The following AGBL1 variants were observed in gnomAD, a reference collection of about 807,000 sequenced individuals.
AGBL1 encodes AGBL carboxypeptidase 1.
AGBL1 carries 130 observed loss-of-function variants against 118.9 expected under a neutral mutation model. The ratio of observed to expected loss-of-function variants is 1.09; its 90% CI spans 0.95 to 1.26. The LOEUF is 1.26. AGBL1 is among the 50% of genes most tolerant of loss of function. AGBL1 has a pLI of 0.00. For missense variants in AGBL1, 1,584 were observed against 1,298.1 expected, an observed-to-expected ratio of 1.22 and a Z score of -3.38; for synonymous variants, 555 against 478.9, an observed-to-expected ratio of 1.16 and a Z score of -2.08.
At chr15:86,386,973 T>C (rs1006609060) in intron 17 of AGBL1, among the ~76,000 whole-genome samples, 1 of 152,210 alleles carries the variant, frequency 6.6e-6, no homozygotes, top group African/African-American at 2.4e-5. Flanking sequence ...TGACAGGAGC[T>C]AATTACAGTT....
At chr15:86,171,358 C>A (rs1453033230) in intron 5 of AGBL1, among the ~76,000 whole-genome samples, 1 of 151,862 alleles carries the variant, frequency 6.6e-6, no homozygotes, top group African/African-American at 2.4e-5. Context: ...ACAACAAGAG[C>A]ACAAAGATCA....
At chr15:86,198,240 A>G (rs2077847124) in intron 5 of AGBL1, among the ~76,000 whole-genome samples, 1 of 152,116 alleles carries the variant, frequency 6.6e-6, no homozygotes, top group African/African-American at 2.4e-5. Flanking sequence ...CTGTCCTAAT[A>G]TTGTATTTTC....
At chr15:86,141,873 G>T (rs1401078643) in intron 1 of AGBL1, 131 bp from the exon 2 acceptor site, 3 of 891,742 alleles carry the variant, frequency 3.4e-6, no homozygotes, top group Non-Finnish European at 5.1e-6. Context: ...GAATCCCCTT[G>T]CCTGTCCTTT....
intron 5 of AGBL1, among the ~76,000 whole-genome samples, chr15:86,193,122 T>C (rs2077749008): frequency 6.6e-6 from 1 of 152,158 alleles, no homozygotes; most frequent in African/African-American, 2.4e-5. Context: ...CTGTGATGGG[T>C]GTCAAAAGAA....
intron 17 of AGBL1, among the ~76,000 whole-genome samples, chr15:86,328,820 G>C (rs981649368): frequency 1.3e-5 from 2 of 152,244 alleles, no homozygotes; most frequent in Non-Finnish European, 2.9e-5. Flanking sequence ...ATGAGGGAAA[G>C]ACACTGGGAA....
At chr15:86,285,871 C>T (rs1388392436) in intron 16 of AGBL1, among the ~76,000 whole-genome samples, 1 of 152,172 alleles carries the variant, frequency 6.6e-6, no homozygotes, top group Admixed American at 6.5e-5. Flanking sequence ...GGACAGTGCT[C>T]ATGTGCCCTA....
chr15:86,556,876 A>G (rs1351072832), intron 21 of AGBL1, among the ~76,000 whole-genome samples: 1 of 152,146 alleles, frequency 6.6e-6, no homozygotes. Context: ...TCTCTGGTTA[A>G]TGCAGCTTTA....
intron 17 of AGBL1, among the ~76,000 whole-genome samples, chr15:86,319,819 C>T (rs62015578): frequency 0.032 from 3,900 of 121,672 alleles, 67 homozygotes; most frequent in Middle Eastern, 0.11. Context: ...TGCAATGGCA[C>T]GATCTTGGTT....
chr15:86,778,858 C>T (rs548558152), intron 22 of AGBL1, among the ~76,000 whole-genome samples: 26 of 152,152 alleles, frequency 1.7e-4, no homozygotes, highest in South Asian at 1.7e-3. Context: ...TATTGATTGG[C>T]GAAGTGATAA....
At chr15:86,239,996 A>G (rs1164686874) in intron 6 of AGBL1, among the ~76,000 whole-genome samples, 3 of 152,184 alleles carry the variant, frequency 2.0e-5, no homozygotes, top group Admixed American at 6.5e-5. Context: ...TCAATTAAAA[A>G]TGAAAATAAA....
chr15:86,674,179 G>C lies in AGBL1; in HGVS notation c.2995-94G>C, dbSNP rs1319749816. On this transcript the variant is annotated intron_variant, in intron 21 of 22. Transcript: ENST00000614907. ...AATTAATTCTCACTGTCTGAAAAAT[G>C]CCTGTGTGTAGAAGTCCTTCTTCCT... 3 of 1,160,204 alleles carry C rather than the reference G, an allele frequency of 2.6e-6. No individual in the cohort carries two copies. The African/African-American group carries it at 4.6e-5, about 18-fold the overall frequency. The allele number at this position is 1,160,204 out of a possible 1,614,324, so 71.9% of individuals were successfully genotyped here.
At chr15:86,371,794 A>G (rs1018436640) in intron 17 of AGBL1, among the ~76,000 whole-genome samples, 3 of 152,190 alleles carry the variant, frequency 2.0e-5, no homozygotes, top group African/African-American at 7.2e-5. Context: ...AGGCTAAGGC[A>G]ACAACGCTGC....
chr15:86,328,638 G>A (rs2080223533), intron 17 of AGBL1, among the ~76,000 whole-genome samples: 2 of 152,132 alleles, frequency 1.3e-5, no homozygotes, highest in South Asian at 4.1e-4. Context: ...AACAGCCCCT[G>A]TGACAGTGTC....
intron 7 of AGBL1, among the ~76,000 whole-genome samples, chr15:86,249,732 T>C (rs1292787219): frequency 6.6e-6 from 1 of 152,144 alleles, no homozygotes. Flanking sequence ...ATTTCTCTGT[T>C]CTGTGCTAAA....
Position 86,674,281 on chromosome 15 carries a change from G to C in AGBL1, c.3003G>C (p.Gln1001His). 6.2e-7 allele frequency: 1 copy of C among 1,610,552 alleles called. No homozygotes were observed. Among genetic ancestry groups the C allele is most frequent in the East Asian group, 2.2e-5 (1 of 44,684 alleles). Residue 1001 changes from glutamine (Q) to histidine (H), a missense_variant, in exon 22 of 23, where the codon CAG becomes CAC. Gln to His is a conservative substitution (Grantham distance 24). Transcript: ENST00000614907. ...CTTTGTTTAACTGGCAGGGTCTACA[G>C]TTTGGTACCAGAGAACTGGAGGAGA... ...GCNQGPYQGL[Q>H]FGTRELEEMG...
chr15:86,749,950 G>A (rs1007617995), intron 22 of AGBL1, among the ~76,000 whole-genome samples: 2 of 152,120 alleles, frequency 1.3e-5, no homozygotes, highest in African/African-American at 4.8e-5. Flanking sequence ...ATATTCATCA[G>A]GGATATTGGT....
At chr15:87,024,329 C>A (rs1321140797) in intron 24 of AGBL1, among the ~76,000 whole-genome samples, 2 of 151,890 alleles carry the variant, frequency 1.3e-5, no homozygotes, top group Non-Finnish European at 2.9e-5. Flanking sequence ...TAAAAAAGAT[C>A]ATTTAAGGCT....
chr15:86,671,889 T>C (rs2085753087), intron 21 of AGBL1, among the ~76,000 whole-genome samples: 1 of 152,134 alleles, frequency 6.6e-6, no homozygotes, highest in Non-Finnish European at 1.5e-5. Flanking sequence ...ATGCCAGAGA[T>C]GTAAAGGAAG....
chr15:86,554,110 T>C (rs1484233311), intron 20 of AGBL1, among the ~76,000 whole-genome samples: 1 of 152,180 alleles, frequency 6.6e-6, no homozygotes, highest in East Asian at 1.9e-4. Context: ...TCCACCTGCC[T>C]CAACCTCCCA....
Sources: gnomAD v4.1 joint callset for allele counts (sites outside exome capture counted in the v4.1 genomes callset) on GRCh38, gnomAD v4.1.1 for gene constraint, MANE v1.5 for transcripts, NCBI Gene and HGNC (gene_info 2026-07-23, HGNC 2026-07-21) for gene names.